Variants in ZC3H7A observed in about 807,000 individuals in gnomAD.
The protein encoded by ZC3H7A is zinc finger CCCH domain-containing protein 7A.
ZC3H7A carries 44 observed loss-of-function variants against 125.5 expected under a neutral mutation model. That is an observed-to-expected ratio of 0.35 (90% CI 0.28 to 0.45). The LOEUF is 0.45. Among genes scored for constraint, ZC3H7A ranks in the 20% least tolerant of loss-of-function variants. The pLI, the probability that ZC3H7A is intolerant of heterozygous loss-of-function variation, is 1.00. For synonymous variants in ZC3H7A, 399 were observed against 391.2 expected (o/e 1.02, Z -0.23); for missense variants, 977 against 1,170.7 (o/e 0.83, Z 2.41).
chr16:11,768,433 G>C lies in ZC3H7A; in HGVS notation c.1242C>G (p.Asp414Glu), dbSNP rs769767797. The change falls in exon 12 of 23, where the codon GAC (aspartate) becomes GAG (glutamate). Residue 414 changes from aspartate to glutamate, a missense_variant. This residue lies in a region of ZC3H7A where 342 missense variants were observed against 311.3 expected (regional missense o/e 1.10). Coordinates refer to ENST00000355758, the MANE Select transcript of ZC3H7A (RefSeq NM_014153.4). Reference sequence around the variant, plus strand: ...CTGCACTTCCAAAAAAGTTTCCAAAGTCATTTCTAGGCTGACTTGAAATTC... The same window carrying C: ...CTGCACTTCCAAAAAAGTTTCCAAACTCATTTCTAGGCTGACTTGAAATTC... ...FLGISSQPRNDFGNFFGSAVT... is the reference protein window; with the variant it reads ...FLGISSQPRNEFGNFFGSAVT... 2 of 1,581,584 alleles carry C rather than the reference G, an allele frequency of 1.3e-6. No homozygotes were observed. The highest frequency in any genetic ancestry group is 1.7e-6 in the Non-Finnish European group (2 of 1,159,692).
At chr16:11,771,032 T>C (rs369596339) in intron 9 of ZC3H7A, 45 bp from the exon 10 acceptor site, 1 of 1,548,692 alleles carries the variant, frequency 6.5e-7, no homozygotes, top group Non-Finnish European at 8.7e-7. Context: ...GAAGCTGTCA[T>C]GGGTTTGGCT....
At chr16:11,787,879 G>C (rs2053283198) in intron 1 of ZC3H7A, among the ~76,000 whole-genome samples, 3 of 151,872 alleles carry the variant, frequency 2.0e-5, no homozygotes, top group Non-Finnish European at 4.4e-5. Context: ...CCAGGAGGCA[G>C]AGGTTGCACT....
chr16:11,788,334 C>T (rs1417372153), intron 1 of ZC3H7A, among the ~76,000 whole-genome samples: 2 of 152,150 alleles, frequency 1.3e-5, no homozygotes, highest in Non-Finnish European at 1.5e-5. Flanking sequence ...TAGAGGTCCT[C>T]CCTCCATCAG....
chr16:11,759,549 T>C (rs2052706719), intron 19 of ZC3H7A: 1 of 152,206 alleles, frequency 6.6e-6, no homozygotes, highest in African/African-American at 2.4e-5. Context: ...CAGTAAGTAC[T>C]TAGTCATATT....
At chr16:11,767,787 C>A (rs992558852) in intron 12 of ZC3H7A, among the ~76,000 whole-genome samples, 1 of 152,054 alleles carries the variant, frequency 6.6e-6, no homozygotes, top group African/African-American at 2.4e-5. Context: ...CTATTCAACT[C>A]CACTCCTGCC....
At chr16:11,787,943 T>C (rs1369891542) in intron 1 of ZC3H7A, among the ~76,000 whole-genome samples, 1 of 151,584 alleles carries the variant, frequency 6.6e-6, no homozygotes, top group East Asian at 1.9e-4. Context: ...CAAGACTTCG[T>C]TTCCAAAGAA....
chr16:11,751,618 G>A (rs937930669), intron 22 of ZC3H7A, 112 bp from the exon 23 acceptor site: 1 of 1,071,426 alleles, frequency 9.3e-7, no homozygotes, highest in Admixed American at 3.0e-5. Context: ...ACAACTTTTA[G>A]TTAGGAATCT....
chr16:11,780,396 C>G (rs542570373), intron 3 of ZC3H7A, among the ~76,000 whole-genome samples: 1 of 152,260 alleles, frequency 6.6e-6, no homozygotes, highest in East Asian at 1.9e-4. Flanking sequence ...GCTGGGATTA[C>G]AGGTGTGAGC....
intron 9 of ZC3H7A, among the ~76,000 whole-genome samples, chr16:11,773,900 TA>T (rs2053032490): frequency 6.6e-6 from 1 of 151,922 alleles, no homozygotes; most frequent in Non-Finnish European, 1.5e-5. Flanking sequence ...AATAAATAAA[TA>T]AAAAGAATAA....
At chr16:11,786,393 G>A (rs773280221) in intron 1 of ZC3H7A, among the ~76,000 whole-genome samples, 41 of 152,194 alleles carry the variant, frequency 2.7e-4, no homozygotes, top group Non-Finnish European at 4.4e-4. Context: ...CCTCTATCTA[G>A]CCAAGGTAGG....
intron 1 of ZC3H7A, among the ~76,000 whole-genome samples, chr16:11,790,673 G>C (rs1775820333): frequency 1.3e-5 from 2 of 152,064 alleles, no homozygotes; most frequent in Non-Finnish European, 2.9e-5. Flanking sequence ...CCGAGTAGCT[G>C]TGATTACAGG....
At position 11,752,264 on chromosome 16, in the gene ZC3H7A, T is replaced by G. The variant is rs961324115; in HGVS notation, c.2726+405A>C. Among the ~76,000 whole-genome samples, 29 of 152,232 alleles carry G rather than the reference T, an allele frequency of 1.9e-4. 1 individual carries two copies. The highest frequency in any genetic ancestry group is 5.9e-5 in the Non-Finnish European group (4 of 68,048). On this transcript the variant is annotated intron_variant, in intron 22 of 22. Transcript: ENST00000355758. ...GGAGTGATACATATTAACATCTTCC[T>G]TTGATCTAAGTTCTAGATTTTAAAT...
In ZC3H7A at chr16:11,763,492, A is replaced by G; in HGVS notation, c.1988T>C (p.Met663Thr). Reference sequence around the variant, plus strand: ...CTCAAACCTACCTGTTTCATTTTGCATTATCCAGACTTTCAGTTCCACAAG... The same window carrying G: ...CTCAAACCTACCTGTTTCATTTTGCGTTATCCAGACTTTCAGTTCCACAAG... ...HSLVELKVWI[M>T]QNETGISHDA... Residue 663 changes from methionine to threonine, a missense_variant, in exon 16 of 23, where the codon ATG (methionine) becomes ACG (threonine). Met to Thr is a moderately conservative substitution (Grantham distance 81). Around this residue, in one of 3 missense-constraint regions of ZC3H7A, gnomAD observed 436 missense variants for 603.2 expected, o/e 0.72. Coordinates refer to ENST00000355758, the MANE Select transcript of ZC3H7A (RefSeq NM_014153.4). 6.2e-7 allele frequency: 1 copy of G among 1,602,582 alleles called. No homozygotes were observed. The highest frequency in any genetic ancestry group is 8.5e-7 in the Non-Finnish European group (1 of 1,173,710).
Position 11,774,167 on chromosome 16 carries a change from A to G in ZC3H7A, c.903+69T>C. On this transcript the variant is annotated intron_variant, in intron 9 of 22. Coordinates refer to ENST00000355758, the MANE Select transcript of ZC3H7A (RefSeq NM_014153.4). ...ATATGCAATACTGAAAAAGTCTATC[A>G]AGTTATATTACAATTTTTAAAAAGT... The G allele has an allele frequency of 2.1e-6, 3 of 1,401,692 alleles. 1 individual carries two copies. Among genetic ancestry groups the G allele is most frequent in the South Asian group, 3.7e-5 (2 of 53,400 alleles). The allele number at this position is 1,401,692 out of a possible 1,614,324, so 86.8% of individuals were successfully genotyped here.
Position 11,774,966 on chromosome 16 carries a change from A to C in ZC3H7A, c.619+14T>G. The C allele has an allele frequency of 6.2e-7, 1 of 1,614,052 alleles. No homozygotes were observed. The highest frequency in any genetic ancestry group is 8.5e-7 in the Non-Finnish European group (1 of 1,179,886). The stretch of plus-strand genomic sequence containing the variant: ...GCACTATTCAAATTGTTAAGATGAT[A>C]TGTGAAAACATACCTGGCTCAATAT... On this transcript the variant is annotated intron_variant, in intron 8 of 22. Coordinates refer to ENST00000355758, the MANE Select transcript of ZC3H7A (RefSeq NM_014153.4).
chr16:11,782,671 G>A (rs887190120), intron 1 of ZC3H7A: 3 of 192,732 alleles, frequency 1.6e-5, no homozygotes, highest in East Asian at 1.3e-4. Flanking sequence ...GCAGTGGCGC[G>A]ATCTCGCGAT....
intron 22 of ZC3H7A, 106 bp from the exon 23 acceptor site, chr16:11,751,612 C>T (rs2141147775): frequency 8.6e-7 from 1 of 1,167,064 alleles, no homozygotes; most frequent in Non-Finnish European, 1.2e-6. Context: ...TTGCATACAA[C>T]TTTTAGTTAG....
intron 12 of ZC3H7A, 71 bp downstream of exon 12, chr16:11,768,244 C>T: frequency 7.6e-7 from 1 of 1,321,950 alleles, no homozygotes; most frequent in Non-Finnish European, 9.9e-7. Flanking sequence ...CATGTATTTA[C>T]AAATTCCTAA....
chr16:11,795,741 A>G (rs1351496671), intron 1 of ZC3H7A, among the ~76,000 whole-genome samples: 1 of 152,068 alleles, frequency 6.6e-6, no homozygotes, highest in Non-Finnish European at 1.5e-5. Context: ...CCCGGCCCGT[A>G]TATGTCATTT....
Sources: allele counts gnomAD v4.1 joint callset (sites outside exome capture counted in the v4.1 genomes callset), GRCh38; gene constraint gnomAD v4.1.1; regional missense constraint gnomAD v4.1.1; transcripts MANE v1.5; gene names NCBI Gene and HGNC (gene_info 2026-07-23, HGNC 2026-07-21).